The following KIF13B variants were observed in gnomAD, a reference collection of about 807,000 sequenced individuals.
KIF13B encodes kinesin family member 13B.
In KIF13B, 127 loss-of-function variants were observed where a neutral mutation model predicts 222.0. That is an observed-to-expected ratio of 0.57 (90% CI 0.50 to 0.66). The LOEUF is 0.66. Ranked by LOEUF, KIF13B falls within the 30% of genes least tolerant of loss-of-function variation. The pLI is 0.00. For missense variants in KIF13B, 2,173 were observed against 2,379.0 expected, an observed-to-expected ratio of 0.91 and a Z score of 1.80; for synonymous variants, 976 against 919.0, an observed-to-expected ratio of 1.06 and a Z score of -1.12.
intron 31 of KIF13B, 38 bp from the exon 32 acceptor site, chr8:29,113,593 T>G (rs751488599): frequency 8.0e-7 from 1 of 1,250,612 alleles, no homozygotes; most frequent in South Asian, 1.3e-5. Context: ...GTTTCCCACC[T>G]GAAAAACTGA....
rs1402534997 is a variant in KIF13B at position 29,196,205 on chromosome 8, C to T, written c.150-6G>A. On this transcript the variant is annotated splice_region_variant and splice_polypyrimidine_tract_variant and intron_variant, in intron 2 of 39. Coordinates refer to ENST00000524189, the MANE Select transcript of KIF13B (RefSeq NM_015254.4). ...CTCTTACCTTCGGCTGGCCCCTGAG[C>T]TCCCAAAACAGATGTCATCATTGAC... The T allele has an allele frequency of 1.9e-6, 3 of 1,558,776 alleles. No individual in the cohort carries two copies. Among genetic ancestry groups the T allele is most frequent in the Non-Finnish European group, 2.6e-6 (3 of 1,151,436 alleles).
Position 29,070,232 on chromosome 8 carries a change from G to C in KIF13B, c.*272C>G, listed in dbSNP as rs1050321895. The C allele has an allele frequency of 2.1e-5, 11 of 525,454 alleles. No homozygotes were observed. The highest frequency in any genetic ancestry group is 3.0e-5 in the Non-Finnish European group (9 of 297,728). 32.5% of individuals were successfully genotyped at this position (525,454 alleles called of 1,614,324 possible). A position where few individuals can be genotyped will look rare whatever the true frequency, so the allele number is the denominator to read the frequency against. On this transcript the variant is annotated 3_prime_UTR_variant, in exon 40 of 40. Transcript: ENST00000524189. The surrounding 1 kb of genome is among the most constrained non-coding windows in gnomAD (Gnocchi z 4.1). ...GATCACCAGGCGCTGCACCACCCAG[G>C]GTCTCAGTCCTAGCATCCCCCAGCC... is the stretch of plus-strand genomic sequence containing the variant.
At position 29,116,842 on chromosome 8, in the gene KIF13B, G is replaced by T; in HGVS notation, c.3826C>A (p.His1276Asn). Residue 1276 changes from histidine (H) to asparagine (N), a missense_variant, in exon 31 of 40, where the codon CAC (histidine) becomes AAC (asparagine). By Grantham distance (68) the His-to-Asn change is moderately conservative. Transcript: ENST00000524189. The part of the protein sequence containing the change: ...VLRKRICVNV[H>N]GRQGFAQSLL... ...CACTGAAGACTAACCTGGCGGCCGT[G>T]AACATTGACACAGATTCTCTTGCGT... 6.2e-7 allele frequency: 1 copy of T among 1,606,712 alleles called. No individual in the cohort carries two copies. Among genetic ancestry groups the T allele is most frequent in the South Asian group, 1.1e-5 (1 of 90,514 alleles).
chr8:29,087,637 G>A (rs1484936996), intron 37 of KIF13B, among the ~76,000 whole-genome samples: 3 of 152,306 alleles, frequency 2.0e-5, no homozygotes, highest in Admixed American at 6.5e-5. Flanking sequence ...TCCACGCTGC[G>A]TCGGTAGAGG....
At chr8:29,106,003 A>G (rs1162845414) in intron 35 of KIF13B, among the ~76,000 whole-genome samples, 1 of 152,196 alleles carries the variant, frequency 6.6e-6, no homozygotes, top group African/African-American at 2.4e-5. Context: ...CAAGGAACTT[A>G]TAATTGGAGA....
In KIF13B at chr8:29,099,205, T is replaced by C; in HGVS notation, c.4252A>G (p.Thr1418Ala). ...GCAGGAGCTATTCCTCTGGAAACTG[T>C]GGTTTGGGATACATCCTGCTGACTT... ...WESQQDVSQT[T>A]VSRGIAPAPA... Residue 1418 changes from threonine to alanine, a missense_variant, in exon 36 of 40, where the codon ACA becomes GCA. By Grantham distance (58) the Thr-to-Ala change is moderately conservative. Around this residue, in one of 2 missense-constraint regions of KIF13B, gnomAD observed 693 missense variants for 656.2 expected, o/e 1.06. Coordinates refer to ENST00000524189, the MANE Select transcript of KIF13B (RefSeq NM_015254.4). 6.2e-7 allele frequency: 1 copy of C among 1,613,712 alleles called. No individual in the cohort carries two copies. The highest frequency in any genetic ancestry group is 1.1e-5 in the South Asian group (1 of 91,062).
At chr8:29,103,269 C>T (rs1488144226) in intron 35 of KIF13B, among the ~76,000 whole-genome samples, 1 of 146,240 alleles carries the variant, frequency 6.8e-6, no homozygotes, top group African/African-American at 2.5e-5. Context: ...ACAAGTAAAA[C>T]AACAATAACA....
chr8:29,251,874 T>C (rs1816297862), intron 1 of KIF13B, among the ~76,000 whole-genome samples: 1 of 152,214 alleles, frequency 6.6e-6, no homozygotes. Flanking sequence ...ATTTAATTAG[T>C]ACTATGTATA....
At chr8:29,205,081 T>C (rs1436800570) in intron 2 of KIF13B, among the ~76,000 whole-genome samples, 1 of 152,090 alleles carries the variant, frequency 6.6e-6, no homozygotes, top group East Asian at 1.9e-4. Flanking sequence ...CTCAGTATGT[T>C]GGGAGGCAAA....
chr8:29,138,171 G>A (rs1366336435), intron 21 of KIF13B, among the ~76,000 whole-genome samples: 2 of 152,040 alleles, frequency 1.3e-5, no homozygotes, highest in Non-Finnish European at 2.9e-5. Context: ...CCAAGATAGT[G>A]AAACCCTGTC....
intron 2 of KIF13B, among the ~76,000 whole-genome samples, chr8:29,224,098 A>T (rs896165528): frequency 1.1e-4 from 15 of 140,006 alleles, no homozygotes; most frequent in Non-Finnish European, 2.3e-4. Context: ...TCCTGGGTTC[A>T]CGCCATTCTC....
chr8:29,070,717 A>G lies in KIF13B; in HGVS notation c.5268T>C (p.Pro1756=). Reference sequence around the variant, plus strand: ...TGGGCCTGACCAGCAGCCCGTAGCCAGGGTTACACCTGAAGTACTGCTTCC... The same window carrying G: ...TGGGCCTGACCAGCAGCCCGTAGCCGGGGTTACACCTGAAGTACTGCTTCC... The part of the protein sequence containing the change: ...IGGKQYFRCN[P]GYGLLVRPSR... Residue 1756 remains proline (P), a synonymous_variant, in exon 40 of 40, where the codon CCT becomes CCC. Coordinates refer to ENST00000524189, the MANE Select transcript of KIF13B (RefSeq NM_015254.4). This position sits in a 1 kb window ranked among gnomAD's most constrained non-coding sequence, Gnocchi z 4.1. 1 of 1,563,554 alleles carries G rather than the reference A, an allele frequency of 6.4e-7. No individual in the cohort carries two copies. Among genetic ancestry groups the G allele is most frequent in the South Asian group, 1.2e-5 (1 of 85,214 alleles).
At chr8:29,191,188 A>G in intron 3 of KIF13B, 131 bp from the exon 4 acceptor site, 1 of 664,092 alleles carries the variant, frequency 1.5e-6, no homozygotes, top group South Asian at 2.0e-5. Context: ...TTATGTATGT[A>G]GAGGCTTACA....
At chr8:29,103,161 G>A (rs1419321122) in intron 35 of KIF13B, among the ~76,000 whole-genome samples, 1 of 149,756 alleles carries the variant, frequency 6.7e-6, no homozygotes, top group African/African-American at 2.5e-5. Context: ...AGAACGGCTT[G>A]AACCCAGGAG....
rs1378537317 is a variant in KIF13B at position 29,134,116 on chromosome 8, A to G, written c.2708T>C (p.Val903Ala). 1.2e-6 allele frequency: 2 copies of G among 1,613,966 alleles called. No homozygotes were observed. Among genetic ancestry groups the G allele is most frequent in the Admixed American group, 3.3e-5 (2 of 60,028 alleles). The part of the protein sequence containing the change: ...SFWDQQEPVI[V>A]APEVDTSSSS... ...GGAGGAGGTGTCCACTTCAGGAGCG[A>G]CAATCACCGGCTCCTGTTGATCCCA... Residue 903 changes from valine to alanine, a missense_variant, in exon 22 of 40, where the codon GTC becomes GCC. Transcript: ENST00000524189.
intron 8 of KIF13B, among the ~76,000 whole-genome samples, chr8:29,179,833 G>A (rs1293938274): frequency 2.6e-5 from 4 of 152,144 alleles, no homozygotes; most frequent in Admixed American, 2.0e-4. Flanking sequence ...ACCACCCCGG[G>A]AGCCAGATGT....
chr8:29,174,220 A>G (rs1181367266), intron 10 of KIF13B, among the ~76,000 whole-genome samples: 1 of 152,158 alleles, frequency 6.6e-6, no homozygotes, highest in Non-Finnish European at 1.5e-5. Flanking sequence ...AATATCCTAT[A>G]TAACTGCAAG....
chr8:29,094,137 T>C (rs1808416505), intron 36 of KIF13B, among the ~76,000 whole-genome samples: 1 of 151,950 alleles, frequency 6.6e-6, no homozygotes, highest in Admixed American at 6.6e-5. Context: ...GTCTCCAACC[T>C]CCCGACCACA....
chr8:29,262,647 G>A (rs1223019968), intron 1 of KIF13B, among the ~76,000 whole-genome samples: 2 of 151,636 alleles, frequency 1.3e-5, no homozygotes, highest in African/African-American at 4.8e-5. Flanking sequence ...ACGAGGCTGG[G>A]CGCGAGGGCC....
Sources: gnomAD v4.1 joint callset for allele counts (sites outside exome capture counted in the v4.1 genomes callset) on GRCh38, gnomAD v4.1.1 for gene constraint, gnomAD v4.1.1 regional missense constraint, Gnocchi (gnomAD v3.1) non-coding constraint, MANE v1.5 for transcripts, NCBI Gene and HGNC (gene_info 2026-07-23, HGNC 2026-07-21) for gene names.